Variants in PCDHGB2 observed in about 807,000 individuals in gnomAD.
PCDHGB2 encodes the protein protocadherin gamma-B2.
Under a neutral mutation model 59.3 loss-of-function variants are expected in PCDHGB2, and 55 were observed. That is an observed-to-expected ratio of 0.93 (90% confidence interval 0.75 to 1.16). The LOEUF is 1.16. Among genes scored for constraint, PCDHGB2 ranks in the 50% most tolerant of loss-of-function variants. The pLI, the probability that PCDHGB2 is intolerant of heterozygous loss-of-function variation, is 0.00. For synonymous variants in PCDHGB2, 516 were observed against 512.0 expected (o/e 1.01, Z -0.11); for missense variants, 1,228 against 1,198.5 (o/e 1.02, Z -0.36).
intron 1 of PCDHGB2, chr5:141,403,162 T>C (rs745617954): frequency 9.3e-6 from 15 of 1,613,862 alleles, no homozygotes; most frequent in African/African-American, 2.7e-5. Flanking sequence ...TCTCTAGAGG[T>C]AGGACGCAGC....
rs1178458180 is a variant in PCDHGB2 at position 141,384,264 on chromosome 5, A to G, written c.2421+21708A>G. The G allele has an allele frequency of 5.0e-6, 8 of 1,613,664 alleles. No individual in the cohort carries two copies. The African/African-American group carries it at 8.0e-5, about 16-fold the overall frequency. On this transcript the variant is annotated intron_variant, in intron 1 of 3. Transcript: ENST00000522605. ...ATAACCCACCCACCTTCCCCCACTCATCCTACTCAGTCTACATCGCTGAGA... is the reference window on the plus strand; with the variant it reads ...ATAACCCACCCACCTTCCCCCACTCGTCCTACTCAGTCTACATCGCTGAGA...
In PCDHGB2 at chr5:141,394,778, C is replaced by T. The variant is rs377451053; in HGVS notation, c.2421+32222C>T. ...AGGACCATGGCCAGCCCCCTCTCTC[C>T]GCCACTGTCACGCTCACCGTAGCCG... On this transcript the variant is annotated intron_variant, in intron 1 of 3. Transcript: ENST00000522605. 8 of 1,613,514 alleles carry T rather than the reference C, an allele frequency of 5.0e-6. No individual in the cohort carries two copies. In the South Asian group the frequency reaches 7.7e-5, roughly 15 times the overall value.
At position 141,362,345 on chromosome 5, in the gene PCDHGB2, C is replaced by A. The variant is rs776739300; in HGVS notation, c.2210C>A (p.Pro737His). 1 of 1,614,068 alleles carries A rather than the reference C, an allele frequency of 6.2e-7. No homozygotes were observed. Among genetic ancestry groups the A allele is most frequent in the East Asian group, 2.2e-5 (1 of 44,888 alleles). The change falls in exon 1 of 4, where the codon CCT becomes CAT. Residue 737 changes from proline (P) to histidine (H), a missense_variant. Transcript: ENST00000522605. ...CCTGGTCTCAGCTCCAAGCCTGGAC[C>A]TGGGGTTCTCCCCAATTACAGTGAG... ...FQPGLSSKPG[P>H]GVLPNYSEGT...
At chr5:141,409,776 T>C in intron 1 of PCDHGB2, 1 of 1,612,708 alleles carries the variant, frequency 6.2e-7, no homozygotes, top group Non-Finnish European at 8.5e-7. Context: ...CACGAGCAGC[T>C]GCGCGCCTTC....
At chr5:141,373,933 A>G (rs1769964265) in intron 1 of PCDHGB2, 3 of 692,378 alleles carry the variant, frequency 4.3e-6, no homozygotes, top group South Asian at 3.7e-5. Context: ...ACGGGAAAGC[A>G]GGAAAGCTGT....
rs777325229 is a variant in PCDHGB2, at chr5:141,403,135, G to A, written c.2421+40579G>A. On this transcript the variant is annotated intron_variant, in intron 1 of 3. Transcript: ENST00000522605. ...CTCTGGAGCCCCGGGAGCTGGCGGA[G>A]CGCCGAGTCCGCATCGTCTCTAGAG... 8 of 1,613,948 alleles carry A rather than the reference G, an allele frequency of 5.0e-6. No homozygotes were observed. The African/African-American group carries it at 8.0e-5, about 16-fold the overall frequency.
Position 141,398,701 on chromosome 5 carries a change from C to T in PCDHGB2, c.2421+36145C>T, listed in dbSNP as rs757215015. On this transcript the variant is annotated intron_variant, in intron 1 of 3. Transcript: ENST00000522605. Reference sequence around the variant, plus strand: ...GGAGAAACAGGATGGTAGTAAATACCCGGAACTGGCACTGGAGAAAACCTT... The same window carrying T: ...GGAGAAACAGGATGGTAGTAAATACTCGGAACTGGCACTGGAGAAAACCTT... The T allele has an allele frequency of 1.2e-5, 20 of 1,613,658 alleles. No homozygotes were observed. In the Admixed American group the frequency reaches 3.3e-4, roughly 27 times the overall value.
At chr5:141,370,656 G>A (rs768093721) in intron 1 of PCDHGB2, 1 of 1,613,852 alleles carries the variant, frequency 6.2e-7, no homozygotes, top group Non-Finnish European at 8.5e-7. Context: ...ACTTGTGAGC[G>A]ACCGTATAGA....
intron 1 of PCDHGB2, among the ~76,000 whole-genome samples, chr5:141,380,822 T>G (rs1446261285): frequency 1.3e-5 from 2 of 152,212 alleles, no homozygotes; most frequent in African/African-American, 4.8e-5. Flanking sequence ...AACTATGAAT[T>G]TTGAGGCATC....
At chr5:141,484,155 T>G (rs2099592564) in intron 1 of PCDHGB2, among the ~76,000 whole-genome samples, 1 of 152,224 alleles carries the variant, frequency 6.6e-6, no homozygotes, top group Non-Finnish European at 1.5e-5. Context: ...GTAGGCACAA[T>G]GCTGTTGGTA....
In PCDHGB2 at chr5:141,403,434, A is replaced by C. The variant is rs774605332; in HGVS notation, c.2421+40878A>C. On this transcript the variant is annotated intron_variant, in intron 1 of 3. Transcript: ENST00000522605. ...CCACTTCCAGAAGCTATTGATCCGGATGTTGGCGTGAACTCCCTCCAGAGC... is the reference window on the plus strand; with the variant it reads ...CCACTTCCAGAAGCTATTGATCCGGCTGTTGGCGTGAACTCCCTCCAGAGC... The C allele has an allele frequency of 1.9e-6, 3 of 1,614,024 alleles. No individual in the cohort carries two copies. In the South Asian group the frequency reaches 3.3e-5, roughly 18 times the overall value.
At chr5:141,374,111 C>G (rs1169979924) in intron 1 of PCDHGB2, 3 of 1,576,926 alleles carry the variant, frequency 1.9e-6, no homozygotes, top group African/African-American at 1.4e-5. Context: ...GCATCCGCAG[C>G]GCAGCGAGCA....
At chr5:141,415,569 A>G (rs962518094) in intron 1 of PCDHGB2, 12 of 1,614,092 alleles carry the variant, frequency 7.4e-6, no homozygotes, top group Non-Finnish European at 1.0e-5. Flanking sequence ...TGTCTTTGTT[A>G]GATGATTCGA....
chr5:141,372,334 G>C (rs757971401), intron 1 of PCDHGB2: 1 of 1,613,648 alleles, frequency 6.2e-7, no homozygotes, highest in African/African-American at 1.3e-5. Context: ...GTCACTGTGC[G>C]TGATGGAGGA....
intron 1 of PCDHGB2, chr5:141,398,512 C>G: frequency 1.3e-6 from 2 of 1,588,756 alleles, no homozygotes; most frequent in Non-Finnish European, 1.7e-6. Context: ...CATTAATGAC[C>G]ACACGCCAAA....
chr5:141,426,817 C>G (rs942714141), intron 1 of PCDHGB2: 4 of 456,594 alleles, frequency 8.8e-6, no homozygotes, highest in Non-Finnish European at 1.8e-5. Flanking sequence ...GAACATTTCT[C>G]TCTGATGATG....
At chr5:141,509,777 G>A (rs1244876699) in intron 3 of PCDHGB2, among the ~76,000 whole-genome samples, 1 of 152,100 alleles carries the variant, frequency 6.6e-6, no homozygotes, top group Non-Finnish European at 1.5e-5. Flanking sequence ...TCTAGTCCCC[G>A]AGATCATCAT....
At chr5:141,367,423 G>T (rs1765125811) in intron 1 of PCDHGB2, 2 of 152,202 alleles carry the variant, frequency 1.3e-5, no homozygotes, top group Non-Finnish European at 2.9e-5. Flanking sequence ...TGTAGTCCCA[G>T]CTACTCGGAA....
intron 1 of PCDHGB2, chr5:141,366,994 T>C (rs991537979): frequency 6.5e-6 from 3 of 463,862 alleles, no homozygotes; most frequent in Non-Finnish European, 1.1e-5. Flanking sequence ...TGGTTAAATA[T>C]AATCATTTTA....
Sources: allele counts gnomAD v4.1 joint callset (sites outside exome capture counted in the v4.1 genomes callset), GRCh38; gene constraint gnomAD v4.1.1; transcripts MANE v1.5; gene names NCBI Gene and HGNC (gene_info 2026-07-23, HGNC 2026-07-21).